NFYC: variants seen among roughly 807,000 people sequenced by gnomAD.
The protein encoded by NFYC is nuclear transcription factor Y subunit gamma, also known as CAAT box DNA-binding protein subunit C.
NFYC carries 25 observed loss-of-function variants against 53.1 expected under a neutral mutation model. That is an observed-to-expected ratio of 0.47 (90% CI 0.34 to 0.66). The LOEUF (loss-of-function observed/expected upper bound fraction) is 0.66. Ranked by LOEUF, NFYC falls within the 30% of genes least tolerant of loss-of-function variation. The pLI, the probability that NFYC is intolerant of heterozygous loss-of-function variation, is 0.01. For missense variants in NFYC, 260 were observed against 422.7 expected (o/e 0.62, Z 3.38); for synonymous variants, 145 against 152.6 (o/e 0.95, Z 0.37).
chr1:40,717,468 C>T (rs1000187547), intron 1 of NFYC, among the ~76,000 whole-genome samples: 2 of 152,198 alleles, frequency 1.3e-5, no homozygotes, highest in Non-Finnish European at 2.9e-5. Flanking sequence ...TGTTAGCCTA[C>T]ATCTTCCTCG....
At chr1:40,759,264 G>A (rs1646405218) in intron 6 of NFYC, among the ~76,000 whole-genome samples, 2 of 151,894 alleles carry the variant, frequency 1.3e-5, no homozygotes, top group Admixed American at 6.6e-5. Context: ...GGGGCATGTG[G>A]TGGCTCATGT....
At chr1:40,735,644 A>T in intron 1 of NFYC, 1 of 985,458 alleles carries the variant, frequency 1.0e-6, no homozygotes. Flanking sequence ...TAGCAAGTGT[A>T]CAGAGATATC....
At chr1:40,747,482 C>T in intron 2 of NFYC, 52 bp from the exon 3 acceptor site, 2 of 1,299,004 alleles carry the variant, frequency 1.5e-6, no homozygotes, top group Non-Finnish European at 2.2e-6. Flanking sequence ...TCATGCTTTG[C>T]CACACTGTTG....
At chr1:40,701,177 A>T (rs527413609) in intron 1 of NFYC, among the ~76,000 whole-genome samples, 42 of 152,122 alleles carry the variant, frequency 2.8e-4, no homozygotes, top group Non-Finnish European at 5.0e-4. Flanking sequence ...GCTCACTGCA[A>T]CCTCTGCCTC....
intron 6 of NFYC, among the ~76,000 whole-genome samples, chr1:40,759,005 G>T (rs142620475): frequency 1.2e-3 from 176 of 152,256 alleles, no homozygotes; most frequent in African/African-American, 4.1e-3. Context: ...TCACAATTTA[G>T]TTGGGGATAC....
intron 7 of NFYC, 131 bp from the exon 8 acceptor site, chr1:40,766,465 T>A (rs1223890274): frequency 3.0e-6 from 2 of 668,730 alleles, no homozygotes; most frequent in Non-Finnish European, 5.2e-6. Context: ...TAAAAGGGAC[T>A]TTTTTCAGGG....
intron 1 of NFYC, chr1:40,712,525 A>G (rs1025695258): frequency 1.4e-5 from 2 of 148,142 alleles, no homozygotes; most frequent in Non-Finnish European, 3.0e-5. Flanking sequence ...TTTAGTTTGT[A>G]TACCAAATAT....
intron 1 of NFYC, chr1:40,723,295 T>A (rs1644391861): frequency 6.6e-6 from 1 of 152,216 alleles, no homozygotes; most frequent in Admixed American, 6.5e-5. Flanking sequence ...GATGCTTTGT[T>A]TTAGAATACA....
chr1:40,763,670 C>T (rs141915212), intron 7 of NFYC, among the ~76,000 whole-genome samples: 5 of 152,234 alleles, frequency 3.3e-5, no homozygotes, highest in South Asian at 4.1e-4. Context: ...TATATATATG[C>T]GTGTGTGTGT....
intron 1 of NFYC, among the ~76,000 whole-genome samples, chr1:40,734,282 G>A (rs1358738719): frequency 1.3e-5 from 2 of 152,134 alleles, no homozygotes; most frequent in East Asian, 1.9e-4. Context: ...TACTTCTGTA[G>A]CAAAATCAAT....
chr1:40,707,962 G>T (rs1203140958), intron 1 of NFYC, among the ~76,000 whole-genome samples: 1 of 151,948 alleles, frequency 6.6e-6, no homozygotes, highest in Admixed American at 6.6e-5. Flanking sequence ...TGTGCTTTTA[G>T]TAATACATCG....
Position 40,753,227 on chromosome 1 carries a change from T to A in NFYC, c.368T>A (p.Leu123Gln). 1 of 1,613,804 alleles carries A rather than the reference T, an allele frequency of 6.2e-7. No individual in the cohort carries two copies. The highest frequency in any genetic ancestry group is 1.1e-5 in the South Asian group (1 of 91,072). The part of the protein sequence containing the change: ...FLIDIVPRDE[L>Q]KPPKRQEEVR... ...ATCGATATTGTTCCAAGAGATGAAC[T>A]GAAACCTCCAAAGCGTCAGGTGAGC... Residue 123 changes from leucine to glutamine, a missense_variant, in exon 5 of 10, where the codon CTG becomes CAG. Coordinates refer to ENST00000447388, the MANE Select transcript of NFYC (RefSeq NM_014223.5).
rs779692696 is a variant in NFYC, at chr1:40,769,326, A to G, written c.829-30A>G. 3 of 1,611,846 alleles carry G rather than the reference A, an allele frequency of 1.9e-6. No individual in the cohort carries two copies. In the Admixed American group the frequency reaches 5.0e-5, roughly 27 times the overall value. ...TGGTGGATCAGACCCTGCAGCTGAC[A>G]TACCAACTCTACCATCTTGATTCTT... On this transcript the variant is annotated intron_variant, in intron 8 of 9. Transcript: ENST00000447388.
rs953304026 is a variant in NFYC at position 40,753,823 on chromosome 1, G to A, written c.387+577G>A. ...TTAAAACTCCCTGGATGCTTTTAATGTGCAGTCAGATTTGAGAACCACCAC... is the reference window on the plus strand; with the variant it reads ...TTAAAACTCCCTGGATGCTTTTAATATGCAGTCAGATTTGAGAACCACCAC... On this transcript the variant is annotated intron_variant, in intron 5 of 9. Transcript: ENST00000447388. Among the ~76,000 whole-genome samples, 4 of 152,270 alleles carry A rather than the reference G, an allele frequency of 2.6e-5. No homozygotes were observed. In the South Asian group the frequency reaches 8.3e-4, roughly 32 times the overall value.
Position 40,753,122 on chromosome 1 carries a change from A to G in NFYC, c.292-29A>G, listed in dbSNP as rs1557883033. Reference sequence around the variant, plus strand: ...AGTGAACTAGTTTCTCCCCAGGCTAATTTTTCACACCGCTCTTCTTTGTTA... The same window carrying G: ...AGTGAACTAGTTTCTCCCCAGGCTAGTTTTTCACACCGCTCTTCTTTGTTA... On this transcript the variant is annotated intron_variant, in intron 4 of 9. Transcript: ENST00000447388. The G allele has an allele frequency of 1.9e-6, 3 of 1,568,766 alleles. No homozygotes were observed. The South Asian group carries it at 3.3e-5, about 17-fold the overall frequency.
At chr1:40,724,447 G>C (rs1570442044) in intron 1 of NFYC, among the ~76,000 whole-genome samples, 1 of 152,364 alleles carries the variant, frequency 6.6e-6, no homozygotes, top group East Asian at 1.9e-4. Flanking sequence ...CTGTAGGCCA[G>C]ATGTGGCCTA....
At chr1:40,712,069 C>T (rs1024612210) in intron 1 of NFYC, among the ~76,000 whole-genome samples, 1 of 152,078 alleles carries the variant, frequency 6.6e-6, no homozygotes, top group Non-Finnish European at 1.5e-5. Flanking sequence ...TTGTGAAGAG[C>T]TACATAATAT....
chr1:40,742,658 G>A (rs1195970241), intron 2 of NFYC, among the ~76,000 whole-genome samples: 2 of 152,116 alleles, frequency 1.3e-5, no homozygotes, highest in African/African-American at 4.8e-5. Flanking sequence ...TTTATATCAG[G>A]TGCTTAGAAC....
intron 2 of NFYC, among the ~76,000 whole-genome samples, chr1:40,746,192 G>A (rs1645599177): frequency 6.6e-6 from 1 of 152,210 alleles, no homozygotes; most frequent in African/African-American, 2.4e-5. Flanking sequence ...GTTAGTTTTA[G>A]TAGAGGGTTC....
Sources: gnomAD v4.1 joint callset for allele counts (sites outside exome capture counted in the v4.1 genomes callset) on GRCh38, gnomAD v4.1.1 for gene constraint, MANE v1.5 for transcripts, NCBI Gene and HGNC (gene_info 2026-07-23, HGNC 2026-07-21) for gene names.